MAGI1: variants seen among roughly 807,000 people sequenced by gnomAD.
The protein encoded by MAGI1 is membrane-associated guanylate kinase, WW and PDZ domain-containing protein 1.
Under a neutral mutation model 139.9 loss-of-function variants are expected in MAGI1, and 58 were observed. The ratio of observed to expected loss-of-function variants is 0.41; its 90% confidence interval spans 0.34 to 0.52. The LOEUF (loss-of-function observed/expected upper bound fraction) is 0.52, where lower values mean the gene tolerates loss of function less well. Among genes scored for constraint, MAGI1 ranks in the 20% least tolerant of loss-of-function variants. The probability of loss-of-function intolerance (pLI) is 0.12; values close to 1 mark genes in which losing one functional copy is unlikely to be tolerated. For synonymous variants in MAGI1, 812 were observed against 737.9 expected, an observed-to-expected ratio of 1.10 and a Z score of -1.63; for missense variants, 1,874 against 1,901.6, an observed-to-expected ratio of 0.99 and a Z score of 0.27.
chr3:65,663,322 G>A (rs945656247), intron 1 of MAGI1, among the ~76,000 whole-genome samples: 7 of 152,096 alleles, frequency 4.6e-5, no homozygotes, highest in Non-Finnish European at 1.0e-4. Flanking sequence ...CTACAAAAAC[G>A]TCTAAAGTTT....
chr3:65,566,696 A>C (rs1049657476), intron 2 of MAGI1, among the ~76,000 whole-genome samples: 2 of 152,190 alleles, frequency 1.3e-5, no homozygotes, highest in African/African-American at 2.4e-5. Context: ...TTCAGCAATA[A>C]ATAACCCAAA....
intron 14 of MAGI1, among the ~76,000 whole-genome samples, chr3:65,387,732 C>A (rs754284156): frequency 3.9e-5 from 6 of 152,136 alleles, no homozygotes; most frequent in Non-Finnish European, 7.4e-5. Flanking sequence ...TGGATCTATC[C>A]GAGAACTGAA....
At chr3:65,542,591 T>C (rs549100943) in intron 2 of MAGI1, among the ~76,000 whole-genome samples, 1 of 151,868 alleles carries the variant, frequency 6.6e-6, no homozygotes, top group Admixed American at 6.6e-5. Context: ...GCCTCAGAAA[T>C]AACACCACAC....
chr3:65,821,367 T>G (rs763265896), intron 1 of MAGI1, among the ~76,000 whole-genome samples: 6 of 152,040 alleles, frequency 3.9e-5, no homozygotes, highest in African/African-American at 7.2e-5. Flanking sequence ...ACTGGTATCC[T>G]CCCCATGACT....
intron 1 of MAGI1, among the ~76,000 whole-genome samples, chr3:65,761,493 T>C (rs1227409656): frequency 6.6e-6 from 1 of 152,136 alleles, no homozygotes; most frequent in African/African-American, 2.4e-5. Context: ...GTTAAGCCAT[T>C]TCCTACAGTA....
intron 1 of MAGI1, chr3:65,688,215 C>G (rs1473261213): frequency 7.5e-6 from 6 of 797,784 alleles, no homozygotes; most frequent in South Asian, 1.3e-5. Context: ...GACCCTAGAA[C>G]AGCAGGACAT....
intron 1 of MAGI1, among the ~76,000 whole-genome samples, chr3:66,012,765 CAAAAA>C (rs34971326): frequency 8.8e-6 from 1 of 114,002 alleles, no homozygotes; most frequent in African/African-American, 3.8e-5. Context: ...GACTCCATCT[CAAAAA>C]AAAAAAAAAA....
intron 1 of MAGI1, among the ~76,000 whole-genome samples, chr3:65,633,018 G>A (rs1434639364): frequency 6.6e-6 from 1 of 152,108 alleles, no homozygotes; most frequent in Non-Finnish European, 1.5e-5. Flanking sequence ...TCTACCCCAG[G>A]ACTTGATAGA....
chr3:65,492,611 T>C (rs1207723952), intron 3 of MAGI1, among the ~76,000 whole-genome samples: 5 of 152,178 alleles, frequency 3.3e-5, no homozygotes, highest in Non-Finnish European at 5.9e-5. Flanking sequence ...TACTATATAC[T>C]ACCTTTTGGG....
At chr3:65,707,794 C>A (rs899685097) in intron 1 of MAGI1, among the ~76,000 whole-genome samples, 1 of 151,984 alleles carries the variant, frequency 6.6e-6, no homozygotes, top group Non-Finnish European at 1.5e-5. Flanking sequence ...ATTTTACACA[C>A]CCTCTCAAGC....
rs781220871 is a variant in MAGI1 at position 65,478,559 on chromosome 3, G to A, written c.757+33C>T. On this transcript the variant is annotated intron_variant, in intron 4 of 22. Coordinates refer to ENST00000402939, the MANE Select transcript of MAGI1 (RefSeq NM_001033057.2). ...AAGCCTCCTCGTCATCCCTTCCCCAGGTCCATTGAGGGCAACATGATCTGA... is the reference window on the plus strand; with the variant it reads ...AAGCCTCCTCGTCATCCCTTCCCCAAGTCCATTGAGGGCAACATGATCTGA... 6 of 1,592,182 alleles carry A rather than the reference G, an allele frequency of 3.8e-6. 1 individual carries two copies. In the South Asian group the frequency reaches 6.6e-5, roughly 18 times the overall value.
In MAGI1 at chr3:65,354,375, T is replaced by C. The variant is rs1388447703; in HGVS notation, c.*2003A>G. Reference sequence around the variant, plus strand: ...TTATAAATGTCCACACAACTACAGCTACTCATTCTAATGTTATGTATAAAC... The same window carrying C: ...TTATAAATGTCCACACAACTACAGCCACTCATTCTAATGTTATGTATAAAC... On this transcript the variant is annotated 3_prime_UTR_variant, in exon 23 of 23. Coordinates refer to ENST00000402939, the MANE Select transcript of MAGI1 (RefSeq NM_001033057.2). 2 of 152,686 alleles carry C rather than the reference T, an allele frequency of 1.3e-5. No homozygotes were observed. The highest frequency in any genetic ancestry group is 2.9e-5 in the Non-Finnish European group (2 of 68,048). The allele number at this position is 152,686 out of a possible 1,614,324, so 9.5% of individuals were successfully genotyped here. A position where few individuals can be genotyped will look rare whatever the true frequency, so the allele number is the denominator to read the frequency against.
chr3:65,616,204 T>C (rs2083359711), intron 2 of MAGI1, among the ~76,000 whole-genome samples: 2 of 104,526 alleles, frequency 1.9e-5, no homozygotes, highest in Admixed American at 8.7e-5. Flanking sequence ...GCAAATACGT[T>C]TCAATGGAGA....
At chr3:66,004,402 T>C (rs2066907973) in intron 1 of MAGI1, among the ~76,000 whole-genome samples, 1 of 152,170 alleles carries the variant, frequency 6.6e-6, no homozygotes, top group Non-Finnish European at 1.5e-5. Context: ...GTGGCCTCTC[T>C]GCGTGGTCTC....
At chr3:66,015,883 T>C (rs982472028) in intron 1 of MAGI1, among the ~76,000 whole-genome samples, 1 of 152,204 alleles carries the variant, frequency 6.6e-6, no homozygotes, top group Non-Finnish European at 1.5e-5. Flanking sequence ...TGCTCTATCA[T>C]CATTTGTAGC....
intron 1 of MAGI1, among the ~76,000 whole-genome samples, chr3:65,714,448 A>T (rs1340987311): frequency 6.6e-6 from 1 of 152,018 alleles, no homozygotes; most frequent in Non-Finnish European, 1.5e-5. Flanking sequence ...CAGTGTGTAC[A>T]ATCTCCACCT....
At chr3:66,036,243 T>C (rs1258379538) in intron 1 of MAGI1, among the ~76,000 whole-genome samples, 9 of 152,208 alleles carry the variant, frequency 5.9e-5, no homozygotes, top group African/African-American at 2.2e-4. Flanking sequence ...GCACTTACTA[T>C]GTACAGGCAC....
intron 2 of MAGI1, among the ~76,000 whole-genome samples, chr3:65,618,288 T>C (rs763921190): frequency 1.3e-4 from 19 of 151,892 alleles, no homozygotes; most frequent in Admixed American, 2.6e-4. Flanking sequence ...ATGAGAGAAG[T>C]AGGCATGTTT....
chr3:65,474,121 CG>C (rs1225158135), intron 4 of MAGI1, among the ~76,000 whole-genome samples: 1 of 152,000 alleles, frequency 6.6e-6, no homozygotes, highest in Non-Finnish European at 1.5e-5. Context: ...AAAAATTAGC[CG>C]GGTGTAGTGG....
Sources: gnomAD v4.1 joint callset for allele counts (sites outside exome capture counted in the v4.1 genomes callset) on GRCh38, gnomAD v4.1.1 for gene constraint, MANE v1.5 for transcripts, NCBI Gene and HGNC (gene_info 2026-07-23, HGNC 2026-07-21) for gene names.